Variants in CCDC60 observed in about 807,000 individuals in gnomAD.
CCDC60 encodes coiled-coil domain-containing protein 60.
CCDC60 carries 54 observed loss-of-function variants against 63.5 expected under a neutral mutation model. The observed-to-expected ratio is 0.85, with a 90% confidence interval of 0.68 to 1.07. The LOEUF (loss-of-function observed/expected upper bound fraction) is 1.07, where lower values mean the gene tolerates loss of function less well. CCDC60 is among the 50% of genes least tolerant of loss of function. The probability of loss-of-function intolerance (pLI) is 0.00; values close to 1 mark genes in which losing one functional copy is unlikely to be tolerated. For synonymous variants in CCDC60, 206 were observed against 238.8 expected, an observed-to-expected ratio of 0.86 and a Z score of 1.27; for missense variants, 651 against 684.3, an observed-to-expected ratio of 0.95 and a Z score of 0.54.
intron 4 of CCDC60, among the ~76,000 whole-genome samples, chr12:119,483,867 T>C (rs1294829999): frequency 6.6e-6 from 1 of 152,078 alleles, no homozygotes; most frequent in Non-Finnish European, 1.5e-5. Context: ...AAATCCAAGA[T>C]ACTATGCTAT....
At chr12:119,400,048 T>C (rs1163745532) in intron 1 of CCDC60, among the ~76,000 whole-genome samples, 1 of 109,058 alleles carries the variant, frequency 9.2e-6, no homozygotes. Flanking sequence ...GTTGGTTTCC[T>C]TTTTTTTTTT....
At chr12:119,501,652 T>C (rs1951855510) in intron 6 of CCDC60, among the ~76,000 whole-genome samples, 1 of 152,228 alleles carries the variant, frequency 6.6e-6, no homozygotes, top group African/African-American at 2.4e-5. Context: ...AAAGTTGCTA[T>C]GGAGATACAG....
intron 5 of CCDC60, among the ~76,000 whole-genome samples, chr12:119,498,604 T>C (rs2136407336): frequency 6.6e-6 from 1 of 152,352 alleles, no homozygotes; most frequent in Non-Finnish European, 1.5e-5. Flanking sequence ...CCCAAAGTGC[T>C]GGGATTACAG....
intron 1 of CCDC60, among the ~76,000 whole-genome samples, chr12:119,363,423 C>CTGTGTG (rs5801335): frequency 2.0e-5 from 3 of 150,660 alleles, no homozygotes; most frequent in South Asian, 2.1e-4. Context: ...TATGAGTCCT[C>CTGTGTG]TGTGTGTGTG....
rs1416953138 is a variant in CCDC60 at position 119,524,716 on chromosome 12, C to CTTTTTTTTTTTTTTTTT, written c.1229+902_1229+903insTTTTTTTTTTTTTTTTT. On this transcript the variant is annotated intron_variant, in intron 11 of 13. Coordinates refer to ENST00000327554, the MANE Select transcript of CCDC60 (RefSeq NM_178499.5). ...AGGAAACAGCAGTTTCTTTTCTTTTCTTTTCTTTTTTTTTTTTTTTTTTTG... is the reference window on the plus strand; with the variant it reads ...AGGAAACAGCAGTTTCTTTTCTTTTCTTTTTTTTTTTTTTTTTTTTTCTTTTTTTTTTTTTTTTTTTG... 4.9e-4 allele frequency among the ~76,000 whole-genome samples: 44 copies of CTTTTTTTTTTTTTTTTT among 90,566 alleles called. 1 individual carries two copies. The highest frequency in any genetic ancestry group is 1.1e-3 in the African/African-American group (21 of 18,844). 59.4% of individuals were successfully genotyped at this position (90,566 alleles called of 152,430 possible).
chr12:119,431,956 G>A (rs1480257779), intron 2 of CCDC60, among the ~76,000 whole-genome samples: 2 of 152,192 alleles, frequency 1.3e-5, no homozygotes, highest in Non-Finnish European at 2.9e-5. Context: ...TGGGATTACA[G>A]GTGTAAGCCA....
At chr12:119,532,430 T>TATTATC (rs965773804) in intron 13 of CCDC60, among the ~76,000 whole-genome samples, 3,029 of 147,534 alleles carry the variant, frequency 0.021, 97 homozygotes, top group African/African-American at 0.071. Flanking sequence ...TTATTATTAT[T>TATTATC]ATCATTATAC....
At chr12:119,415,946 G>T (rs1956691315) in intron 1 of CCDC60, among the ~76,000 whole-genome samples, 2 of 152,116 alleles carry the variant, frequency 1.3e-5, no homozygotes, top group Non-Finnish European at 2.9e-5. Flanking sequence ...GGAGGGGAGG[G>T]TATCAAGGAT....
chr12:119,516,050 G>C (rs1002813389), intron 7 of CCDC60, among the ~76,000 whole-genome samples: 4 of 152,092 alleles, frequency 2.6e-5, no homozygotes, highest in Non-Finnish European at 5.9e-5. Context: ...CTGGATCCTG[G>C]CAGGCCTCAC....
At chr12:119,491,034 C>A (rs892588777) in intron 5 of CCDC60, among the ~76,000 whole-genome samples, 2 of 152,182 alleles carry the variant, frequency 1.3e-5, no homozygotes, top group African/African-American at 4.8e-5. Context: ...CCTTCCAAAT[C>A]TTTCTAATGC....
At chr12:119,527,513 G>A (rs1018304505) in intron 11 of CCDC60, among the ~76,000 whole-genome samples, 3 of 152,250 alleles carry the variant, frequency 2.0e-5, no homozygotes, top group African/African-American at 7.2e-5. Context: ...CAGAGAGCCA[G>A]GGAACTGCCA....
At chr12:119,534,370 T>C (rs1952942275) in intron 13 of CCDC60, among the ~76,000 whole-genome samples, 2 of 152,196 alleles carry the variant, frequency 1.3e-5, no homozygotes, top group South Asian at 2.1e-4. Context: ...AATAGGGACA[T>C]TTTGACTTCC....
chr12:119,401,845 A>AT (rs1956398508), intron 1 of CCDC60, among the ~76,000 whole-genome samples: 1 of 152,152 alleles, frequency 6.6e-6, no homozygotes, highest in Non-Finnish European at 1.5e-5. Context: ...TAATAACCCT[A>AT]TTTTACCAGT....
chr12:119,516,707 G>T lies in CCDC60; in HGVS notation c.968G>T (p.Ser323Ile). ...IENGMQRKAP[S>I]ILSVLKQNKS... ...AATGGGATGCAAAGAAAAGCACCCA[G>T]GTATGTGCTCTTGACTCCTGGGGCA... is the stretch of plus-strand genomic sequence containing the variant. Residue 323 changes from serine (S) to isoleucine (I), a missense_variant and splice_region_variant, in exon 8 of 14, where the codon AGC becomes ATC. Ser to Ile is a moderately radical substitution (Grantham distance 142). Coordinates refer to ENST00000327554, the MANE Select transcript of CCDC60 (RefSeq NM_178499.5). The T allele has an allele frequency of 6.2e-7, 1 of 1,607,410 alleles. No individual in the cohort carries two copies.
chr12:119,441,155 A>G lies in CCDC60; in HGVS notation c.170+12393A>G, dbSNP rs76150270. ...ACTTGGAGGTCCATGTTTTAGGGAC[A>G]GCTGAAGCAAACATGATACAGGGCG... On this transcript the variant is annotated intron_variant, in intron 2 of 13. Transcript: ENST00000327554. 9.2e-3 allele frequency among the ~76,000 whole-genome samples: 1,408 copies of G among 152,314 alleles called. 29 individuals are homozygous for G. Among genetic ancestry groups the G allele is most frequent in the African/African-American group, 0.031 (1,292 of 41,576 alleles).
At chr12:119,433,521 C>G in intron 2 of CCDC60, 1 of 702,384 alleles carries the variant, frequency 1.4e-6, no homozygotes, top group Non-Finnish European at 2.6e-6. Context: ...AGGAAGGAAT[C>G]AGGATTCCCC....
intron 2 of CCDC60, among the ~76,000 whole-genome samples, chr12:119,449,582 G>T (rs1279137469): frequency 6.6e-6 from 1 of 152,154 alleles, no homozygotes; most frequent in East Asian, 1.9e-4. Context: ...TTAAATTCAA[G>T]AATTTCAAAT....
rs781609413 is a variant in CCDC60 at position 119,472,146 on chromosome 12, A to G, written c.323A>G (p.Tyr108Cys). The G allele has an allele frequency of 3.5e-5, 57 of 1,613,958 alleles. 1 individual carries two copies. The East Asian group carries it at 1.2e-3, about 33-fold the overall frequency. Residue 108 changes from tyrosine to cysteine, a missense_variant, in exon 3 of 14, where the codon TAT (tyrosine) becomes TGT (cysteine). By Grantham distance (194) the Tyr-to-Cys change is radical. Coordinates refer to ENST00000327554, the MANE Select transcript of CCDC60 (RefSeq NM_178499.5). ...QPAEKISEIHYGDTLLSTYDD... is the reference protein window; with the variant it reads ...QPAEKISEIHCGDTLLSTYDD... ...GCCGAAAAGATCTCAGAAATCCACT[A>G]TGGGGACACCTTATTGAGGTAAGTG...
chr12:119,528,721 G>A lies in CCDC60; in HGVS notation c.1336G>A (p.Asp446Asn), dbSNP rs1274454001. The A allele has an allele frequency of 1.2e-6, 2 of 1,613,778 alleles. No homozygotes were observed. ...ACATCACATATCTGTAGTAAAAGGA[G>A]ATGCAGAAGAAATTGCAGACCACTG... ...MRHHISVVKGDAEEIADHWYF... is the reference protein window; with the variant it reads ...MRHHISVVKGNAEEIADHWYF... Residue 446 changes from aspartate (D) to asparagine (N), a missense_variant, in exon 12 of 14, where the codon GAT becomes AAT. Physicochemically the swap from Asp to Asn is conservative, Grantham distance 23. Coordinates refer to ENST00000327554, the MANE Select transcript of CCDC60 (RefSeq NM_178499.5).
Sources: allele counts gnomAD v4.1 joint callset (sites outside exome capture counted in the v4.1 genomes callset), GRCh38; gene constraint gnomAD v4.1.1; transcripts MANE v1.5; gene names NCBI Gene and HGNC (gene_info 2026-07-23, HGNC 2026-07-21).